Variants in SERAC1 observed in about 807,000 individuals in gnomAD.
SERAC1 encodes serine active site containing 1.
SERAC1 carries 36 observed loss-of-function variants against 85.7 expected under a neutral mutation model. The ratio of observed to expected loss-of-function variants is 0.42; its 90% CI spans 0.32 to 0.55. The LOEUF (loss-of-function observed/expected upper bound fraction) is 0.55, where lower values mean the gene tolerates loss of function less well. Ranked by LOEUF, SERAC1 falls within the 20% of genes least tolerant of loss-of-function variation. The probability of loss-of-function intolerance (pLI) is 0.11; values close to 1 mark genes in which losing one functional copy is unlikely to be tolerated. For synonymous variants in SERAC1, 242 were observed against 265.3 expected (o/e 0.91, Z 0.85); for missense variants, 629 against 796.2 (o/e 0.79, Z 2.53).
chr6:158,130,495 A>G lies in SERAC1; in HGVS notation c.739-9T>C. 6.7e-7 allele frequency: 1 copy of G among 1,493,536 alleles called. No individual in the cohort carries two copies. The highest frequency in any genetic ancestry group is 9.1e-7 in the Non-Finnish European group (1 of 1,100,348). 92.5% of individuals were successfully genotyped at this position (1,493,536 alleles called of 1,614,324 possible). A position where few individuals can be genotyped will look rare whatever the true frequency, so the allele number is the denominator to read the frequency against. On this transcript the variant is annotated splice_polypyrimidine_tract_variant and intron_variant, in intron 8 of 16. Coordinates refer to ENST00000647468, the MANE Select transcript of SERAC1 (RefSeq NM_032861.4). ...AAACACCATAAACCACCCTGAAATTAAAATAATTAAAATTTTTACTGAAAA... is the reference window on the plus strand; with the variant it reads ...AAACACCATAAACCACCCTGAAATTGAAATAATTAAAATTTTTACTGAAAA...
chr6:158,149,227 C>CA (rs1215773711), intron 4 of SERAC1, among the ~76,000 whole-genome samples: 1 of 152,122 alleles, frequency 6.6e-6, no homozygotes, highest in Non-Finnish European at 1.5e-5. Context: ...CTCCTGACCT[C>CA]ATGATCCGCC....
intron 8 of SERAC1, among the ~76,000 whole-genome samples, chr6:158,138,581 C>A (rs1784849044): frequency 6.6e-6 from 1 of 152,032 alleles, no homozygotes; most frequent in Admixed American, 6.5e-5. Flanking sequence ...CTCAGGAGCT[C>A]CGACATGGGG....
At chr6:158,144,497 T>C in intron 6 of SERAC1, 77 bp from the exon 7 acceptor site, 2 of 1,376,878 alleles carry the variant, frequency 1.5e-6, no homozygotes, top group Non-Finnish European at 2.0e-6. Flanking sequence ...AACAAACAAC[T>C]TGAAAGCACT....
chr6:158,113,465 T>C lies in SERAC1; in HGVS notation c.1812A>G (p.Val604=). Residue 604 remains valine (V), a synonymous_variant, in exon 16 of 17, where the codon GTA becomes GTG. Coordinates refer to ENST00000647468, the MANE Select transcript of SERAC1 (RefSeq NM_032861.4). ...YIGSMIKLHV[V]PVESADLGIG... is the part of the protein sequence containing the mutation. ...AGTGAATACCTGCTGATTCCACAGG[T>C]ACCACATGGAGCTTAATCATGCTGC... is the stretch of plus-strand genomic sequence containing the variant. 6.2e-7 allele frequency: 1 copy of C among 1,613,516 alleles called. No individual in the cohort carries two copies. The highest frequency in any genetic ancestry group is 8.5e-7 in the Non-Finnish European group (1 of 1,179,568).
At chr6:158,149,062 T>C (rs1440259813) in intron 4 of SERAC1, 108 bp from the exon 5 acceptor site, 2 of 724,272 alleles carry the variant, frequency 2.8e-6, no homozygotes, top group Admixed American at 2.9e-5. Flanking sequence ...CAATCTCGGC[T>C]CACTGCAAGC....
rs184558799 is a variant in SERAC1 at position 158,113,581 on chromosome 6, G to A, written c.1696C>T (p.Leu566Phe). The A allele has an allele frequency of 6.2e-7, 1 of 1,613,412 alleles. No individual in the cohort carries two copies. The highest frequency in any genetic ancestry group is 1.7e-5 in the Admixed American group (1 of 59,978). ...AGAAAGTCATCTTGTAGTGTTTTAA[G>A]TGCAGGAGAATCTGTAAAATTATAC... is the stretch of plus-strand genomic sequence containing the variant. ...VKELSKDSPA[L>F]KTLQDDFLEF... The change falls in exon 16 of 17, where the codon CTT becomes TTT. Residue 566 changes from leucine to phenylalanine, a missense_variant. By Grantham distance (22) the Leu-to-Phe change is conservative (BLOSUM62 0). Coordinates refer to ENST00000647468, the MANE Select transcript of SERAC1 (RefSeq NM_032861.4).
chr6:158,118,081 G>A (rs970042821), intron 12 of SERAC1, among the ~76,000 whole-genome samples: 1 of 152,202 alleles, frequency 6.6e-6, no homozygotes, highest in African/African-American at 2.4e-5. Flanking sequence ...ATAGCCAAAA[G>A]CAAGGCCTGT....
In SERAC1 at chr6:158,128,342, C is replaced by A; in HGVS notation, c.853-72G>T. 5 of 1,496,772 alleles carry A rather than the reference C, an allele frequency of 3.3e-6. No individual in the cohort carries two copies. The South Asian group carries it at 6.1e-5, about 18-fold the overall frequency. The allele number at this position is 1,496,772 out of a possible 1,614,324, so 92.7% of individuals were successfully genotyped here. ...ATGACGTGAGATGACACAGCCTGGT[C>A]ATGGGGACAGCTAGGTAGCTCCCAC... On this transcript the variant is annotated intron_variant, in intron 9 of 16. Coordinates refer to ENST00000647468, the MANE Select transcript of SERAC1 (RefSeq NM_032861.4).
rs1784376198 is a variant in SERAC1 at position 158,119,728 on chromosome 6, C to T, written c.1167-558G>A. ...ACAATTATGCAATGCACATATATAA[C>T]CATAATATTTTATTTACAAATTGTA... On this transcript the variant is annotated intron_variant, in intron 11 of 16. Coordinates refer to ENST00000647468, the MANE Select transcript of SERAC1 (RefSeq NM_032861.4). This position sits in a 1 kb window ranked among gnomAD's most constrained non-coding sequence, Gnocchi z 4.5. 6.6e-6 allele frequency among the ~76,000 whole-genome samples: 1 copy of T among 152,084 alleles called. No individual in the cohort carries two copies. Among genetic ancestry groups the T allele is most frequent in the Non-Finnish European group, 1.5e-5 (1 of 68,018 alleles).
chr6:158,126,788 G>C (rs114750842), intron 10 of SERAC1, among the ~76,000 whole-genome samples: 1 of 152,032 alleles, frequency 6.6e-6, no homozygotes. Flanking sequence ...TACAGGCCAG[G>C]CATGGTAATC....
At position 158,145,050 on chromosome 6, in the gene SERAC1, C is replaced by T. The variant is rs552938504; in HGVS notation, c.488-630G>A. 7.2e-5 allele frequency among the ~76,000 whole-genome samples: 11 copies of T among 152,242 alleles called. No homozygotes were observed. The East Asian group carries it at 2.1e-3, about 29-fold the overall frequency. On this transcript the variant is annotated intron_variant, in intron 6 of 16. Coordinates refer to ENST00000647468, the MANE Select transcript of SERAC1 (RefSeq NM_032861.4). ...TTTGAGGTCAGGAGTTCAAGACCAG[C>T]CTGGCCAACATGGTGAAACCCTGTC...
At chr6:158,164,241 C>T (rs1562464164) in intron 1 of SERAC1, among the ~76,000 whole-genome samples, 1 of 151,696 alleles carries the variant, frequency 6.6e-6, no homozygotes, top group Non-Finnish European at 1.5e-5. Context: ...TTTGGGAGGC[C>T]GAGGCAGGAG....
chr6:158,158,315 A>C lies in SERAC1; in HGVS notation c.49T>G (p.Ser17Ala). The change falls in exon 2 of 17, where the codon TCT becomes GCT. Residue 17 changes from serine to alanine, a missense_variant. Physicochemically the swap from Ser to Ala is moderately conservative, Grantham distance 99. Coordinates refer to ENST00000647468, the MANE Select transcript of SERAC1 (RefSeq NM_032861.4). ...GTGCCACTTTTTGGTGGGGAAGTAG[A>C]GGTTCCTATTCTTCTGCAACAGATG... The part of the protein sequence containing the change: ...CVICCRRIGT[S>A]TSPPKSGTHW... The C allele has an allele frequency of 6.2e-7, 1 of 1,613,924 alleles. No individual in the cohort carries two copies. The highest frequency in any genetic ancestry group is 8.5e-7 in the Non-Finnish European group (1 of 1,179,840).
In SERAC1 at chr6:158,117,591, A is replaced by C; in HGVS notation, c.1403+136T>G. On this transcript the variant is annotated intron_variant, in intron 13 of 16. Coordinates refer to ENST00000647468, the MANE Select transcript of SERAC1 (RefSeq NM_032861.4). The surrounding 1 kb of genome is among the most constrained non-coding windows in gnomAD (Gnocchi z 4.3). ...CAAACTCCTTCTAGAAGGAAGACAA[A>C]AAAGATTAGGTTTGTTCTTCATAAG... The C allele has an allele frequency of 6.4e-7, 1 of 1,555,318 alleles. No individual in the cohort carries two copies. Among genetic ancestry groups the C allele is most frequent in the South Asian group, 1.2e-5 (1 of 84,582 alleles).
At chr6:158,131,885 A>T (rs1353479665) in intron 8 of SERAC1, among the ~76,000 whole-genome samples, 1 of 152,224 alleles carries the variant, frequency 6.6e-6, no homozygotes, top group African/African-American at 2.4e-5. Context: ...ATGGAATGCC[A>T]TGCCGGTCTG....
chr6:158,143,382 CACAT>C (rs1438286501), intron 7 of SERAC1, among the ~76,000 whole-genome samples, 198 bp from the exon 8 acceptor site: 18 of 115,294 alleles, frequency 1.6e-4, no homozygotes, highest in South Asian at 6.5e-4. Flanking sequence ...TATACACACA[CACAT>C]ATATATATGA....
chr6:158,141,739 A>T (rs1329469034), intron 8 of SERAC1, among the ~76,000 whole-genome samples: 3 of 152,212 alleles, frequency 2.0e-5, no homozygotes, highest in Non-Finnish European at 4.4e-5. Flanking sequence ...TTGGGAACAG[A>T]ATTTAAAAGC....
intron 6 of SERAC1, chr6:158,146,062 T>C (rs1333259016): frequency 6.6e-6 from 1 of 152,204 alleles, no homozygotes; most frequent in Non-Finnish European, 1.5e-5. Flanking sequence ...ATTGTAAAAG[T>C]AAAAGCAAAC....
intron 8 of SERAC1, among the ~76,000 whole-genome samples, chr6:158,131,175 TCTC>T (rs1205948112): frequency 6.6e-6 from 1 of 151,088 alleles, no homozygotes; most frequent in Admixed American, 6.6e-5. Flanking sequence ...TATGCAATAA[TCTC>T]CTACAAGTCA....
Sources: allele counts gnomAD v4.1 joint callset (sites outside exome capture counted in the v4.1 genomes callset), GRCh38; gene constraint gnomAD v4.1.1; non-coding constraint Gnocchi (gnomAD v3.1); transcripts MANE v1.5; gene names NCBI Gene and HGNC (gene_info 2026-07-23, HGNC 2026-07-21).